Variants in OTOGL observed in about 807,000 individuals in gnomAD.
OTOGL encodes otogelin like.
Under a neutral mutation model 318.5 loss-of-function variants are expected in OTOGL, and 285 were observed. The observed-to-expected ratio is 0.89, with a 90% CI of 0.81 to 0.99. OTOGL has a LOEUF of 0.99. Among genes scored for constraint, OTOGL ranks in the 50% least tolerant of loss-of-function variants. The probability of loss-of-function intolerance (pLI) is 0.00; values close to 1 mark genes in which losing one functional copy is unlikely to be tolerated. For missense variants in OTOGL, 2,899 were observed against 2,845.6 expected, an observed-to-expected ratio of 1.02 and a Z score of -0.43; for synonymous variants, 987 against 936.5, an observed-to-expected ratio of 1.05 and a Z score of -0.99.
At chr12:80,357,475 T>C (rs545946123) in intron 49 of OTOGL, among the ~76,000 whole-genome samples, 3 of 152,190 alleles carry the variant, frequency 2.0e-5, no homozygotes, top group Admixed American at 6.5e-5. Context: ...TCAGAAGTAA[T>C]CAAAACAATT....
At position 80,223,402 on chromosome 12, in the gene OTOGL, AT is replaced by A. The variant is rs1180122376; in HGVS notation, c.489+1158del. Among the ~76,000 whole-genome samples the A allele has an allele frequency of 3.3e-5, 5 of 151,980 alleles. No homozygotes were observed. The East Asian group carries it at 9.7e-4, about 29-fold the overall frequency. On this transcript the variant is annotated intron_variant, in intron 7 of 58. Coordinates refer to ENST00000547103, the MANE Select transcript of OTOGL (RefSeq NM_001378609.3). ...CTGCTATAAACATGTGTATGCAGGT[AT>A]CTTTTTTTGTATAATGACTTCTTTT...
At chr12:80,324,243 G>A (rs767191520) in intron 35 of OTOGL, among the ~76,000 whole-genome samples, 8 of 152,212 alleles carry the variant, frequency 5.3e-5, no homozygotes, top group Admixed American at 2.0e-4. Flanking sequence ...AATGTTGGTG[G>A]TCAGTGAAGA....
At chr12:80,254,418 G>C in intron 14 of OTOGL, 106 bp from the exon 15 acceptor site, 2 of 661,632 alleles carry the variant, frequency 3.0e-6, no homozygotes, top group South Asian at 3.2e-5. Flanking sequence ...AGATTATTCT[G>C]AACCTATAAA....
At chr12:80,229,063 T>C (rs147562928) in intron 7 of OTOGL, among the ~76,000 whole-genome samples, 194 bp from the exon 8 acceptor site, 17 of 152,320 alleles carry the variant, frequency 1.1e-4, no homozygotes, top group Non-Finnish European at 2.5e-4. Flanking sequence ...TAACTTGTAT[T>C]TTAGGAAGTT....
intron 1 of OTOGL, among the ~76,000 whole-genome samples, chr12:80,100,263 A>G (rs1381812299): frequency 6.6e-6 from 1 of 152,126 alleles, no homozygotes; most frequent in African/African-American, 2.4e-5. Context: ...AGTTATTTTA[A>G]AATATACAGT....
chr12:80,253,479 C>T lies in OTOGL; in HGVS notation c.1299C>T (p.Asp433=). ...GCYCPDGLVM[D]NGTCISLENC... is the part of the protein sequence containing the mutation. ...CTTCTCAATTAGGCCTCGTAATGGA[C>T]AATGGGACTTGCATCTCCTTGGAAA... Residue 433 remains aspartate, a synonymous_variant, in exon 14 of 59, where the codon GAC becomes GAT. Coordinates refer to ENST00000547103, the MANE Select transcript of OTOGL (RefSeq NM_001378609.3). 5.0e-6 allele frequency: 8 copies of T among 1,612,624 alleles called. No homozygotes were observed. The highest frequency in any genetic ancestry group is 6.8e-6 in the Non-Finnish European group (8 of 1,178,794).
At chr12:80,309,336 G>A (rs1277519007) in intron 29 of OTOGL, among the ~76,000 whole-genome samples, 1 of 152,122 alleles carries the variant, frequency 6.6e-6, no homozygotes, top group East Asian at 1.9e-4. Context: ...GTCCAAGAAA[G>A]GTTCCTGGAG....
chr12:80,319,630 A>G (rs983449205), intron 33 of OTOGL, among the ~76,000 whole-genome samples: 2 of 152,172 alleles, frequency 1.3e-5, no homozygotes, highest in African/African-American at 4.8e-5. Flanking sequence ...TGCCTTTGAA[A>G]TAATATTGAA....
chr12:80,257,043 G>A (rs1882114215), intron 17 of OTOGL, among the ~76,000 whole-genome samples: 1 of 152,168 alleles, frequency 6.6e-6, no homozygotes, highest in Admixed American at 6.5e-5. Context: ...TATGTAGGAG[G>A]CATTTTACAT....
intron 1 of OTOGL, among the ~76,000 whole-genome samples, chr12:80,186,588 G>A (rs1288709332): frequency 1.3e-5 from 2 of 152,014 alleles, no homozygotes; most frequent in African/African-American, 2.4e-5. Context: ...ATGCCTAATC[G>A]TCAAGGGACC....
chr12:80,278,232 G>A lies in OTOGL; in HGVS notation c.2746G>A (p.Glu916Lys), dbSNP rs1883954451. Reference sequence around the variant, plus strand: ...CTGCCCATGTATTTGGAAAGATTGGGAGTATCTCTCAGGAGAAGTGATTGC... The same window carrying A: ...CTGCCCATGTATTTGGAAAGATTGGAAGTATCTCTCAGGAGAAGTGATTGC... ...ESCPCIWKDWEYLSGEVIATP... is the reference protein window; with the variant it reads ...ESCPCIWKDWKYLSGEVIATP... The change falls in exon 25 of 59, where the codon GAG becomes AAG. Residue 916 changes from glutamate to lysine, a missense_variant. This residue lies in a region of OTOGL where 2,607 missense variants were observed against 2,524.9 expected (regional missense o/e 1.03). Transcript: ENST00000547103. 6.5e-7 allele frequency: 1 copy of A among 1,546,778 alleles called. No individual in the cohort carries two copies. The highest frequency in any genetic ancestry group is 8.7e-7 in the Non-Finnish European group (1 of 1,144,154).
At chr12:80,265,428 A>G (rs907976196) in intron 20 of OTOGL, 5 of 559,854 alleles carry the variant, frequency 8.9e-6, no homozygotes, top group African/African-American at 1.9e-5. Flanking sequence ...TTTGTAATAA[A>G]CGAAATTATT....
intron 37 of OTOGL, among the ~76,000 whole-genome samples, chr12:80,331,237 G>A (rs1030785326): frequency 2.6e-5 from 4 of 151,844 alleles, no homozygotes; most frequent in Admixed American, 6.6e-5. Flanking sequence ...AGACAGTTTG[G>A]CCATTGTAAA....
At chr12:80,212,363 C>T (rs897182429) in intron 4 of OTOGL, among the ~76,000 whole-genome samples, 2 of 151,884 alleles carry the variant, frequency 1.3e-5, no homozygotes, top group East Asian at 1.9e-4. Context: ...AAAAAGGGGC[C>T]GAAAAATGTG....
chr12:80,248,564 G>T (rs1396312520), intron 11 of OTOGL, among the ~76,000 whole-genome samples: 1 of 128,828 alleles, frequency 7.8e-6, no homozygotes, highest in Non-Finnish European at 1.6e-5. Flanking sequence ...CCCTTTGAGG[G>T]TAACCCGACC....
At chr12:80,289,470 T>C (rs1180005330) in intron 26 of OTOGL, among the ~76,000 whole-genome samples, 2 of 152,302 alleles carry the variant, frequency 1.3e-5, no homozygotes, top group Admixed American at 6.5e-5. Flanking sequence ...GGCACAAACA[T>C]TGAAGTCTGC....
At chr12:80,255,853 T>G (rs982422530) in intron 16 of OTOGL, among the ~76,000 whole-genome samples, 5 of 151,202 alleles carry the variant, frequency 3.3e-5, no homozygotes, top group African/African-American at 1.2e-4. Flanking sequence ...GCTTTATTTG[T>G]TTTTTTTCCA....
chr12:80,108,683 A>G (rs1300859066), intron 1 of OTOGL, among the ~76,000 whole-genome samples: 2 of 149,826 alleles, frequency 1.3e-5, no homozygotes, highest in African/African-American at 4.9e-5. Context: ...TTGTTAGCTG[A>G]CATTCTTCTA....
intron 1 of OTOGL, among the ~76,000 whole-genome samples, chr12:80,121,299 C>T (rs71463855): frequency 0.011 from 1,693 of 152,162 alleles, 26 homozygotes; most frequent in African/African-American, 0.038. Flanking sequence ...AAAAACAGAA[C>T]GATTTCTATG....
Sources: gnomAD v4.1 joint callset for allele counts (sites outside exome capture counted in the v4.1 genomes callset) on GRCh38, gnomAD v4.1.1 for gene constraint, gnomAD v4.1.1 regional missense constraint, MANE v1.5 for transcripts, NCBI Gene and HGNC (gene_info 2026-07-23, HGNC 2026-07-21) for gene names.